Variants in MAOA observed in about 807,000 individuals in gnomAD.
The protein encoded by MAOA is amine oxidase [flavin-containing] A.
Under a neutral mutation model 42.0 loss-of-function variants are expected in MAOA, and 6 were observed. That is an observed-to-expected ratio of 0.14 (90% CI 0.08 to 0.28). The LOEUF is 0.28. MAOA is among the 10% of genes least tolerant of loss of function. The pLI is 1.00. For missense variants in MAOA, 262 were observed against 422.3 expected, an observed-to-expected ratio of 0.62 and a Z score of 3.33; for synonymous variants, 140 against 154.0, an observed-to-expected ratio of 0.91 and a Z score of 0.67.
chrX:43,681,290 T>A (rs1044228537), intron 1 of MAOA, among the ~76,000 whole-genome samples: 1 of 111,697 alleles, frequency 9.0e-6, no homozygotes, highest in Non-Finnish European at 1.9e-5. Flanking sequence ...TATTTTTTTT[T>A]AAAGTTAGAG....
At chrX:43,720,605 A>G (rs1301885415) in intron 5 of MAOA, among the ~76,000 whole-genome samples, 2 of 110,704 alleles carry the variant, frequency 1.8e-5, no homozygotes, top group Admixed American at 1.9e-4. Flanking sequence ...TATTCAAGGA[A>G]TTAGCCATAG....
At chrX:43,731,623 A>T in intron 7 of MAOA, 71 bp from the exon 8 acceptor site, 1 of 1,046,133 alleles carries the variant, frequency 9.6e-7, no homozygotes. Context: ...AGTGATAAAG[A>T]TGATTTTTCA....
chrX:43,716,712 A>T (rs746907384), intron 5 of MAOA, among the ~76,000 whole-genome samples: 77 of 109,910 alleles, frequency 7.0e-4, no homozygotes, highest in African/African-American at 2.5e-3. Context: ...AGTTTAGGCA[A>T]ATGGTATCTC....
chrX:43,725,393 C>G (rs1431507751), intron 5 of MAOA, among the ~76,000 whole-genome samples: 3 of 111,813 alleles, frequency 2.7e-5, no homozygotes, highest in African/African-American at 9.8e-5. Flanking sequence ...TAGCTCTTCT[C>G]GTTGCATTGA....
intron 9 of MAOA, among the ~76,000 whole-genome samples, chrX:43,734,334 C>T (rs1281568382): frequency 9.0e-6 from 1 of 110,664 alleles, no homozygotes; most frequent in African/African-American, 3.3e-5. Context: ...CCAAAATAAT[C>T]TGTTTCTTAA....
intron 3 of MAOA, among the ~76,000 whole-genome samples, chrX:43,708,862 T>G (rs1388533235): frequency 9.3e-6 from 1 of 107,681 alleles, no homozygotes; most frequent in Non-Finnish European, 1.9e-5. Flanking sequence ...CGGGTTTTTT[T>G]GTTTGTTTGT....
chrX:43,674,017 T>C (rs1247173554), intron 1 of MAOA, among the ~76,000 whole-genome samples: 2 of 111,757 alleles, frequency 1.8e-5, no homozygotes, highest in African/African-American at 3.2e-5. Context: ...CTTTCTGTCT[T>C]GTTGATCTGT....
At chrX:43,720,455 G>C (rs55741635) in intron 5 of MAOA, among the ~76,000 whole-genome samples, 1 of 108,008 alleles carries the variant, frequency 9.3e-6, no homozygotes, top group Non-Finnish European at 1.9e-5. Context: ...TGGACGTTGT[G>C]GGGGGTGGTA....
chrX:43,662,089 C>A (rs189472800), intron 1 of MAOA, among the ~76,000 whole-genome samples: 2 of 111,462 alleles, frequency 1.8e-5, no homozygotes, highest in East Asian at 5.6e-4. Flanking sequence ...CCATTTTAGG[C>A]ATTTTAACCC....
chrX:43,735,833 G>A (rs918949532), intron 9 of MAOA, among the ~76,000 whole-genome samples: 40 of 112,867 alleles, frequency 3.5e-4, no homozygotes, highest in Non-Finnish European at 6.9e-4. Context: ...GGGGCCCACC[G>A]TGGCCTCCAC....
Position 43,736,253 on chromosome X carries a change from G to A in MAOA, c.1079G>A (p.Arg360Gln), listed in dbSNP as rs755359800. The A allele has an allele frequency of 8.4e-7, 1 of 1,194,018 alleles. No individual in the cohort carries two copies. ...TTCATTCTTGCCCGGAAAGCTGATC[G>A]ACTTGCTAAGCTACATAAGGAAATA... ...MGFILARKADRLAKLHKEIRK... is the reference protein window; with the variant it reads ...MGFILARKADQLAKLHKEIRK... The change falls in exon 10 of 15, where the codon CGA becomes CAA. Residue 360 changes from arginine to glutamine, a missense_variant. Transcript: ENST00000338702.
chrX:43,666,159 G>A (rs745337484), intron 1 of MAOA, among the ~76,000 whole-genome samples: 1 of 111,511 alleles, frequency 9.0e-6, no homozygotes, highest in African/African-American at 3.3e-5. Context: ...CAAGCATTTG[G>A]GCACTGCAAC....
intron 9 of MAOA, among the ~76,000 whole-genome samples, chrX:43,733,081 C>G (rs1199925793): frequency 8.9e-6 from 1 of 112,107 alleles, no homozygotes; most frequent in African/African-American, 3.2e-5. Context: ...AGCAGCTAGA[C>G]AGGCAGTATG....
intron 5 of MAOA, among the ~76,000 whole-genome samples, chrX:43,721,379 T>C (rs1034157732): frequency 1.8e-5 from 2 of 111,771 alleles, no homozygotes; most frequent in African/African-American, 6.5e-5. Context: ...GTCTAGAGGC[T>C]GATAGTGCAG....
At chrX:43,743,964 G>T (rs1023787912) in intron 13 of MAOA, 59 bp downstream of exon 13, 9 of 1,169,805 alleles carry the variant, frequency 7.7e-6, no homozygotes, top group Non-Finnish European at 1.0e-5. Flanking sequence ...TTTGGCATCT[G>T]GTCTTGCTAG....
At chrX:43,715,213 G>A (rs1387771026) in intron 5 of MAOA, among the ~76,000 whole-genome samples, 1 of 110,124 alleles carries the variant, frequency 9.1e-6, no homozygotes, top group Admixed American at 9.7e-5. Flanking sequence ...TATCTTCCAG[G>A]AATGAGCTAC....
chrX:43,688,965 A>T (rs755501837), intron 2 of MAOA, among the ~76,000 whole-genome samples: 2 of 112,540 alleles, frequency 1.8e-5, no homozygotes, highest in African/African-American at 3.2e-5. Flanking sequence ...TAATATAGTT[A>T]TAACAGCTTA....
intron 5 of MAOA, among the ~76,000 whole-genome samples, chrX:43,723,672 T>G (rs2033809541): frequency 9.0e-6 from 1 of 111,667 alleles, no homozygotes; most frequent in Non-Finnish European, 1.9e-5. Flanking sequence ...TTGAATACCT[T>G]TATTTCTTTC....
intron 10 of MAOA, among the ~76,000 whole-genome samples, chrX:43,738,280 T>G (rs980653280): frequency 1.8e-5 from 2 of 112,229 alleles, no homozygotes; most frequent in Non-Finnish European, 1.9e-5. Flanking sequence ...TGTTTTAACA[T>G]CCTTGCCTTA....
Sources: allele counts gnomAD v4.1 joint callset (sites outside exome capture counted in the v4.1 genomes callset), GRCh38; gene constraint gnomAD v4.1.1; transcripts MANE v1.5; gene names NCBI Gene and HGNC (gene_info 2026-07-23, HGNC 2026-07-21).